Variants in LAMC3 observed in about 807,000 individuals in gnomAD.
The protein encoded by LAMC3 is laminin subunit gamma-3.
In LAMC3, 128 loss-of-function variants were observed where a neutral mutation model predicts 173.8. The ratio of observed to expected loss-of-function variants is 0.74; its 90% CI spans 0.64 to 0.85. The LOEUF (loss-of-function observed/expected upper bound fraction) is 0.85. LAMC3 is among the 40% of genes least tolerant of loss of function. The pLI is 0.00. For synonymous variants in LAMC3, 897 were observed against 909.1 expected (o/e 0.99, Z 0.24); for missense variants, 2,022 against 2,156.0 (o/e 0.94, Z 1.23).
chr9:131,016,817 G>A (rs986480157), intron 1 of LAMC3, among the ~76,000 whole-genome samples: 16 of 152,328 alleles, frequency 1.1e-4, no homozygotes, highest in Admixed American at 6.5e-5. Flanking sequence ...ACTGGTAAGC[G>A]TGTTTGTCCT....
chr9:131,048,824 C>T (rs187137559), intron 8 of LAMC3, among the ~76,000 whole-genome samples, 196 bp from the exon 9 acceptor site: 150 of 152,118 alleles, frequency 9.9e-4, no homozygotes, highest in African/African-American at 3.4e-3. Context: ...TGTCTTCATG[C>T]TGAGCTCAAA....
In LAMC3 at chr9:131,019,239, G is replaced by C. The variant is rs7857034; in HGVS notation, c.374-7046G>C. ...ATCACGCCACTGCACTCCAGCCTAG[G>C]CAACAGAGTGAGACTTTGTCTCAAA... is the stretch of plus-strand genomic sequence containing the variant. On this transcript the variant is annotated intron_variant, in intron 1 of 27. Coordinates refer to ENST00000361069, the MANE Select transcript of LAMC3 (RefSeq NM_006059.4). Among the ~76,000 whole-genome samples the C allele has an allele frequency of 5.1e-3, 776 of 152,236 alleles. 7 individuals carry two copies. The highest frequency in any genetic ancestry group is 0.017 in the African/African-American group (726 of 41,516).
chr9:131,069,173 C>CATGTCT, intron 16 of LAMC3, 123 bp downstream of exon 16: 1 of 1,135,578 alleles, frequency 8.8e-7, no homozygotes, highest in Non-Finnish European at 1.3e-6. Flanking sequence ...GACAGGGTCC[C>CATGTCT]GAGAGCAGCC....
At position 131,029,863 on chromosome 9, in the gene LAMC3, C is replaced by G. The variant is rs1833794348; in HGVS notation, c.679-2182C>G. On this transcript the variant is annotated intron_variant, in intron 2 of 27. Transcript: ENST00000361069. This position sits in a 1 kb window ranked among gnomAD's most constrained non-coding sequence, Gnocchi z 4.6. ...CCATGGCCTGAGTCCTGGGATCCAT[C>G]TAAAATCAACTCCAGCACCCACTCA... 6.6e-6 allele frequency among the ~76,000 whole-genome samples: 1 copy of G among 152,104 alleles called. No individual in the cohort carries two copies. The highest frequency in any genetic ancestry group is 6.5e-5 in the Admixed American group (1 of 15,270).
chr9:131,053,834 A>AAAC (rs200204669), intron 11 of LAMC3, among the ~76,000 whole-genome samples: 11 of 138,300 alleles, frequency 8.0e-5, no homozygotes, highest in Admixed American at 7.5e-5. Flanking sequence ...CTCCATCTCA[A>AAAC]AACAACAACA....
chr9:131,015,718 C>T (rs1387921757), intron 1 of LAMC3, among the ~76,000 whole-genome samples: 3 of 152,152 alleles, frequency 2.0e-5, no homozygotes, highest in South Asian at 4.1e-4. Flanking sequence ...TGCAATGGTG[C>T]GATCTCAGCT....
rs964025405 is a variant in LAMC3, at chr9:131,075,703, C to T, written c.3495-128C>T. 4.9e-6 allele frequency: 5 copies of T among 1,013,840 alleles called. No homozygotes were observed. The South Asian group carries it at 7.4e-5, about 15-fold the overall frequency. The allele number at this position is 1,013,840 out of a possible 1,614,324, so 62.8% of individuals were successfully genotyped here. On this transcript the variant is annotated intron_variant, in intron 20 of 27. Transcript: ENST00000361069. Reference sequence around the variant, plus strand: ...GCGTAACACAGAAAGGTGGAAAAGGCGTACCTGTCTTTGTGGCTGTCCTCT... The same window carrying T: ...GCGTAACACAGAAAGGTGGAAAAGGTGTACCTGTCTTTGTGGCTGTCCTCT...
intron 3 of LAMC3, among the ~76,000 whole-genome samples, chr9:131,034,939 A>ATTATTTAT (rs61062373): frequency 0.026 from 3,939 of 150,532 alleles, 116 homozygotes; most frequent in African/African-American, 0.072. Flanking sequence ...ACCTGAGATG[A>ATTATTTAT]TTATTTATTT....
chr9:131,021,138 G>C (rs905633210), intron 1 of LAMC3: 2 of 152,138 alleles, frequency 1.3e-5, no homozygotes, highest in Middle Eastern at 3.2e-3. Flanking sequence ...GGTTATTCTT[G>C]AGTTGCAAAA....
chr9:131,057,887 G>C (rs775621210), intron 12 of LAMC3, among the ~76,000 whole-genome samples: 1 of 152,106 alleles, frequency 6.6e-6, no homozygotes, highest in East Asian at 1.9e-4. Context: ...AGTGTCACCA[G>C]GTTCCTGCAT....
At chr9:131,039,332 C>A in intron 6 of LAMC3, 84 bp downstream of exon 6, 2 of 1,096,798 alleles carry the variant, frequency 1.8e-6, no homozygotes, top group South Asian at 1.3e-5. Flanking sequence ...AGTCCCTCCC[C>A]TCCCCATCCC....
At position 131,089,866 on chromosome 9, in the gene LAMC3, A is replaced by T. The variant is rs1413012184; in HGVS notation, c.4478-1671A>T. Among the ~76,000 whole-genome samples, 5 of 152,222 alleles carry T rather than the reference A, an allele frequency of 3.3e-5. No individual in the cohort carries two copies. In the East Asian group the frequency reaches 9.6e-4, roughly 29 times the overall value. ...CTATTCACACACGTGATCTTACAGA[A>T]TTCTCATACTCACTCTTTGACGCAA... On this transcript the variant is annotated intron_variant, in intron 27 of 27. Transcript: ENST00000361069.
At chr9:131,050,074 G>T (rs74533649) in intron 9 of LAMC3, among the ~76,000 whole-genome samples, 2 of 152,234 alleles carry the variant, frequency 1.3e-5, no homozygotes, top group African/African-American at 4.8e-5. Context: ...CGGGCCCCTC[G>T]TGGGGCAGGC....
rs549772139 is a variant in LAMC3 at position 131,047,070 on chromosome 9, C to G, written c.1519+1410C>G. Among the ~76,000 whole-genome samples, 11 of 151,914 alleles carry G rather than the reference C, an allele frequency of 7.2e-5. No individual in the cohort carries two copies. The South Asian group carries it at 2.1e-3, about 29-fold the overall frequency. ...ATCTGTTCTCACATTGGGCCAGGCA[C>G]TGGGTGTGGCCGGCCCTTCAGGGGT... On this transcript the variant is annotated intron_variant, in intron 8 of 27. Transcript: ENST00000361069.
chr9:131,031,388 C>T (rs980691920), intron 2 of LAMC3, among the ~76,000 whole-genome samples: 1 of 152,154 alleles, frequency 6.6e-6, no homozygotes, highest in Non-Finnish European at 1.5e-5. Context: ...CTGCTAGGGC[C>T]AGGCAGAGCC....
intron 8 of LAMC3, among the ~76,000 whole-genome samples, chr9:131,047,818 G>A (rs11244259): frequency 0.59 from 89,017 of 150,964 alleles, 27,200 homozygotes; most frequent in African/African-American, 0.76. Flanking sequence ...AGCCGAGATC[G>A]CGCCACTGCA....
chr9:131,087,552 C>G lies in LAMC3; in HGVS notation c.4307C>G (p.Thr1436Arg), dbSNP rs750722553. The change falls in exon 26 of 28, where the codon ACG becomes AGG. Residue 1436 changes from threonine to arginine, a missense_variant. Thr to Arg is a moderately conservative substitution (Grantham distance 71). Transcript: ENST00000361069. ...AGGCTCACCAGCCAGACGCAAGCCA[C>G]GCTCCAACAGGCGTCCCAGCAGGTG... ...ASRLTSQTQA[T>R]LQQASQQVLA... 2 of 1,613,934 alleles carry G rather than the reference C, an allele frequency of 1.2e-6. No homozygotes were observed. The highest frequency in any genetic ancestry group is 1.1e-5 in the South Asian group (1 of 91,086).
intron 7 of LAMC3, among the ~76,000 whole-genome samples, 175 bp downstream of exon 7, chr9:131,041,910 C>A (rs1295662406): frequency 6.6e-6 from 1 of 152,188 alleles, no homozygotes; most frequent in African/African-American, 2.4e-5. Context: ...CAGGAAGTTA[C>A]TCAAAAGCTT....
intron 3 of LAMC3, among the ~76,000 whole-genome samples, chr9:131,032,508 C>CTG (rs151305020): frequency 1.5e-4 from 13 of 89,290 alleles, no homozygotes; most frequent in Middle Eastern, 5.4e-3. Context: ...CTCTCACTCG[C>CTG]TCTCTCTCTC....
Sources: gnomAD v4.1 joint callset for allele counts (sites outside exome capture counted in the v4.1 genomes callset) on GRCh38, gnomAD v4.1.1 for gene constraint, Gnocchi (gnomAD v3.1) non-coding constraint, MANE v1.5 for transcripts, NCBI Gene and HGNC (gene_info 2026-07-23, HGNC 2026-07-21) for gene names.